Variants in CYP4X1 observed in about 807,000 individuals in gnomAD.
CYP4X1 encodes the protein cytochrome P450 4X1.
In CYP4X1, 44 loss-of-function variants were observed where a neutral mutation model predicts 57.9. The ratio of observed to expected loss-of-function variants is 0.76; its 90% CI spans 0.60 to 0.98. The LOEUF (loss-of-function observed/expected upper bound fraction) is 0.98, where lower values mean the gene tolerates loss of function less well. Ranked by LOEUF, CYP4X1 falls within the 50% of genes least tolerant of loss-of-function variation. The probability of loss-of-function intolerance (pLI) is 0.00; values close to 1 mark genes in which losing one functional copy is unlikely to be tolerated. For synonymous variants in CYP4X1, 227 were observed against 228.6 expected, an observed-to-expected ratio of 0.99 and a Z score of 0.06; for missense variants, 532 against 623.9, an observed-to-expected ratio of 0.85 and a Z score of 1.57.
chr1:47,013,364 G>A, the CYP4X1 span, among the ~76,000 whole-genome samples: 1 of 152,146 alleles, frequency 6.6e-6, no homozygotes, highest in African/African-American at 2.4e-5. Context: ...CGTTTCTCAG[G>A]CTTCAACTTG....
rs1340040496 is a variant in CYP4X1, at chr1:47,041,801, A to AT, written c.1073+2275dup. Among the ~76,000 whole-genome samples, 24 of 151,716 alleles carry AT rather than the reference A, an allele frequency of 1.6e-4. 1 individual carries two copies. Among genetic ancestry groups the AT allele is most frequent in the Admixed American group, 1.5e-3 (23 of 15,222 alleles). On this transcript the variant is annotated intron_variant, in intron 8 of 11. Transcript: ENST00000371901. ...TAGTTTGCTGCAAAACCATTTATCT[A>AT]TTTTTTCTTCTGTTGACTATACTTC...
At chr1:47,032,790 T>C (rs1644138040) in intron 3 of CYP4X1, among the ~76,000 whole-genome samples, 1 of 152,174 alleles carries the variant, frequency 6.6e-6, no homozygotes. Flanking sequence ...ATTCACTTGC[T>C]CTGTTACTAG....
intron 1 of CYP4X1, 103 bp downstream of exon 1, chr1:47,024,097 G>C (rs1569602432): frequency 7.0e-7 from 1 of 1,421,344 alleles, no homozygotes; most frequent in African/African-American, 1.4e-5. Context: ...CATCCCTGGG[G>C]ACCCTCCGGC....
At chr1:47,039,300 A>G in intron 7 of CYP4X1, 42 bp from the exon 8 acceptor site, 1 of 1,505,684 alleles carries the variant, frequency 6.6e-7, no homozygotes, top group Non-Finnish European at 8.9e-7. Context: ...AAACATTTAT[A>G]AACTGGCATT....
At chr1:47,034,244 A>G (rs1367805332) in intron 4 of CYP4X1, among the ~76,000 whole-genome samples, 1 of 152,202 alleles carries the variant, frequency 6.6e-6, no homozygotes, top group Non-Finnish European at 1.5e-5. Context: ...GGACCAAGCA[A>G]AAGAGAATGT....
In CYP4X1 at chr1:47,030,145, G is replaced by T. The variant is rs1321383559; in HGVS notation, c.319+14G>T. On this transcript the variant is annotated intron_variant, in intron 2 of 11. Coordinates refer to ENST00000371901, the MANE Select transcript of CYP4X1 (RefSeq NM_178033.2). ...TGAGCAGAACAGGTAAGAAGAGGGG[G>T]AAAGCTCTGGGACCTATTCCTCCTA... The T allele has an allele frequency of 1.9e-6, 3 of 1,604,422 alleles. No homozygotes were observed. The highest frequency in any genetic ancestry group is 2.6e-6 in the Non-Finnish European group (3 of 1,173,894).
chr1:47,048,800 T>C (rs1421526800), intron 10 of CYP4X1, among the ~76,000 whole-genome samples, 171 bp downstream of exon 10: 1 of 152,198 alleles, frequency 6.6e-6, no homozygotes, highest in Non-Finnish European at 1.5e-5. Flanking sequence ...CTTGAAACAC[T>C]CTTGACGTGT....
rs1248115545 is a variant in CYP4X1, at chr1:47,039,398, C to T, written c.939C>T (p.Phe313=). The T allele has an allele frequency of 1.9e-6, 3 of 1,613,588 alleles. No individual in the cohort carries two copies. The highest frequency in any genetic ancestry group is 1.7e-4 in the Middle Eastern group (1 of 6,058). The change falls in exon 8 of 12, where the codon TTC becomes TTT. Residue 313 remains phenylalanine (F), a synonymous_variant. Coordinates refer to ENST00000371901, the MANE Select transcript of CYP4X1 (RefSeq NM_178033.2). ...DIDVHSEVST[F]LLAGHDTLAA... ...ATGTACACTCTGAAGTGAGCACATTCCTGTTGGCAGGACATGACACCTTGG... is the reference window on the plus strand; with the variant it reads ...ATGTACACTCTGAAGTGAGCACATTTCTGTTGGCAGGACATGACACCTTGG...
upstream of CYP4X1, among the ~76,000 whole-genome samples, chr1:47,019,499 A>C (rs1042635495): frequency 1.3e-5 from 2 of 152,208 alleles, no homozygotes; most frequent in Non-Finnish European, 2.9e-5. Context: ...TGGCTCTATC[A>C]ATTTCTAATA....
In CYP4X1 at chr1:47,036,120, C is replaced by T. The variant is rs199790231; in HGVS notation, c.724C>T (p.Pro242Ser). 1.2e-6 allele frequency: 2 copies of T among 1,613,496 alleles called. No homozygotes were observed. Among genetic ancestry groups the T allele is most frequent in the East Asian group, 4.5e-5 (2 of 44,876 alleles). Residue 242 changes from proline (P) to serine (S), a missense_variant, in exon 6 of 12, where the codon CCT (proline) becomes TCT (serine). Pro to Ser is a moderately conservative substitution (Grantham distance 74). Transcript: ENST00000371901. ...YHSDIIFKLS[P>S]QGYRFQKLSR... ...CAGTGACATAATTTTCAAACTCAGC[C>T]CTCAGGGCTACCGCTTCCAGAAGTT...
At chr1:46,965,187 C>T in the CYP4X1 span, among the ~76,000 whole-genome samples, 5 of 152,334 alleles carry the variant, frequency 3.3e-5, no homozygotes, top group South Asian at 2.1e-4. Flanking sequence ...TTGCACTTCC[C>T]GGGTGAGGCG....
chr1:46,998,036 A>AT, the CYP4X1 span, among the ~76,000 whole-genome samples: 3 of 151,706 alleles, frequency 2.0e-5, no homozygotes, highest in Non-Finnish European at 2.9e-5. Flanking sequence ...TCCATTTATC[A>AT]TTTTTTTTAT....
the CYP4X1 span, among the ~76,000 whole-genome samples, chr1:47,016,898 T>G: frequency 2.0e-5 from 3 of 152,188 alleles, no homozygotes; most frequent in Non-Finnish European, 4.4e-5. Flanking sequence ...CTATTCTCTA[T>G]CTCCATGAGT....
At chr1:47,011,115 A>G in the CYP4X1 span, among the ~76,000 whole-genome samples, 2 of 152,240 alleles carry the variant, frequency 1.3e-5, no homozygotes, top group Admixed American at 6.5e-5. Context: ...CCCTAAGCCA[A>G]AAGAACAAAG....
the CYP4X1 span, among the ~76,000 whole-genome samples, chr1:46,981,574 T>C: frequency 2.0e-5 from 3 of 152,158 alleles, no homozygotes; most frequent in Admixed American, 6.5e-5. Context: ...GACAGTGTGG[T>C]GATTCCTCAA....
At chr1:47,031,514 C>G (rs55945966) in intron 3 of CYP4X1, 34 bp downstream of exon 3, 1 of 1,607,918 alleles carries the variant, frequency 6.2e-7, no homozygotes, top group Non-Finnish European at 8.5e-7. Flanking sequence ...ATAACCCACT[C>G]TCATTCAAAG....
At position 47,050,025 on chromosome 1, in the gene CYP4X1, A is replaced by G. The variant is rs752857621; in HGVS notation, c.1381A>G (p.Met461Val). ...SRNCIGQEFA[M>V]IELKVTIALI... ...GAACTGCATTGGGCAGGAGTTTGCC[A>G]TGATTGAGTTAAAGGTAACCATTGC... Residue 461 changes from methionine to valine, a missense_variant, in exon 12 of 12, where the codon ATG (methionine) becomes GTG (valine). Coordinates refer to ENST00000371901, the MANE Select transcript of CYP4X1 (RefSeq NM_178033.2). The G allele has an allele frequency of 3.1e-6, 5 of 1,613,958 alleles. No individual in the cohort carries two copies. The highest frequency in any genetic ancestry group is 4.2e-6 in the Non-Finnish European group (5 of 1,179,998).
the CYP4X1 span, among the ~76,000 whole-genome samples, chr1:46,991,760 G>C: frequency 6.6e-6 from 1 of 152,034 alleles, no homozygotes; most frequent in East Asian, 1.9e-4. Context: ...TGTTGGAAAG[G>C]AATACGCTGG....
chr1:47,001,415 C>G, the CYP4X1 span, among the ~76,000 whole-genome samples: 1 of 152,184 alleles, frequency 6.6e-6, no homozygotes, highest in Non-Finnish European at 1.5e-5. Context: ...GAGGCCAGTT[C>G]AGGTCACTGT....
Sources: gnomAD v4.1 joint callset for allele counts (sites outside exome capture counted in the v4.1 genomes callset) on GRCh38, gnomAD v4.1.1 for gene constraint, MANE v1.5 for transcripts, NCBI Gene and HGNC (gene_info 2026-07-23, HGNC 2026-07-21) for gene names.